PDE11A: variants seen among roughly 807,000 people sequenced by gnomAD.
PDE11A encodes dual 3',5'-cyclic-AMP and -GMP phosphodiesterase 11A.
A neutral mutation model predicts 100.5 loss-of-function variants in PDE11A; 100 were observed. The ratio of observed to expected loss-of-function variants is 1.00; its 90% CI spans 0.85 to 1.18. The LOEUF (loss-of-function observed/expected upper bound fraction) is 1.18. Ranked by LOEUF, PDE11A falls within the 50% of genes most tolerant of loss-of-function variation. The probability of loss-of-function intolerance (pLI) is 0.00; values close to 1 mark genes in which losing one functional copy is unlikely to be tolerated. For missense variants in PDE11A, 1,141 were observed against 1,152.6 expected (o/e 0.99, Z 0.15); for synonymous variants, 381 against 420.8 (o/e 0.91, Z 1.16).
chr2:178,001,329 A>G (rs1423715566), intron 2 of PDE11A, among the ~76,000 whole-genome samples: 1 of 140,338 alleles, frequency 7.1e-6, no homozygotes, highest in Non-Finnish European at 1.5e-5. Context: ...TTAATATGCC[A>G]TCAAGGAGCA....
intron 1 of PDE11A, among the ~76,000 whole-genome samples, chr2:178,055,727 C>A (rs950799572): frequency 1.3e-5 from 2 of 152,016 alleles, no homozygotes; most frequent in African/African-American, 4.8e-5. Context: ...TCAAAGATGA[C>A]AGCCCTACAG....
intron 5 of PDE11A, among the ~76,000 whole-genome samples, chr2:177,857,081 TA>T (rs1345897075): frequency 3.9e-5 from 6 of 151,938 alleles, no homozygotes; most frequent in Admixed American, 3.3e-4. Flanking sequence ...TATATAAAAG[TA>T]ACCCTCAATA....
chr2:177,903,306 C>T (rs2084728160), intron 3 of PDE11A, among the ~76,000 whole-genome samples: 1 of 152,120 alleles, frequency 6.6e-6, no homozygotes, highest in Admixed American at 6.6e-5. Flanking sequence ...TGATAACCCT[C>T]TAAAATAAAC....
At chr2:177,688,913 T>C (rs916491161) in intron 15 of PDE11A, among the ~76,000 whole-genome samples, 7 of 152,240 alleles carry the variant, frequency 4.6e-5, no homozygotes, top group African/African-American at 1.7e-4. Context: ...TCTGTGAACA[T>C]TTTAATCATG....
chr2:178,096,257 G>C (rs2087489049), intron 2 of PDE11A, among the ~76,000 whole-genome samples: 1 of 149,162 alleles, frequency 6.7e-6, no homozygotes, highest in Admixed American at 6.7e-5. Context: ...CCCGCCTCCT[G>C]GGTTCACGCC....
intron 2 of PDE11A, among the ~76,000 whole-genome samples, chr2:177,936,831 G>T (rs1391579643): frequency 6.6e-6 from 1 of 151,992 alleles, no homozygotes; most frequent in East Asian, 1.9e-4. Context: ...TGAGGCAGGA[G>T]AATCGCTTGA....
rs1180761710 is a variant in PDE11A, at chr2:177,788,772, T to A, written c.1738-19399A>T. ...AATACTACAAACAACTCTACTCAAA[T>A]AAACTAGAAAATCTAGGAGAAATGG... On this transcript the variant is annotated intron_variant, in intron 9 of 19. Coordinates refer to ENST00000286063, the MANE Select transcript of PDE11A (RefSeq NM_016953.4). Among the ~76,000 whole-genome samples the A allele has an allele frequency of 2.0e-5, 3 of 152,308 alleles. No individual in the cohort carries two copies. The East Asian group carries it at 5.8e-4, about 29-fold the overall frequency.
intron 19 of PDE11A, among the ~76,000 whole-genome samples, chr2:177,648,547 G>T (rs2080258101): frequency 6.6e-6 from 1 of 152,028 alleles, no homozygotes; most frequent in Non-Finnish European, 1.5e-5. Flanking sequence ...AGACAAACCA[G>T]ATTTCCTTTT....
chr2:177,851,809 C>A (rs548461405), intron 5 of PDE11A, among the ~76,000 whole-genome samples: 1 of 152,080 alleles, frequency 6.6e-6, no homozygotes, highest in Admixed American at 6.5e-5. Context: ...GGTAAACATG[C>A]GTCATGGGGG....
intron 2 of PDE11A, among the ~76,000 whole-genome samples, chr2:177,986,159 A>G (rs1185697059): frequency 6.6e-6 from 1 of 152,208 alleles, no homozygotes; most frequent in Non-Finnish European, 1.5e-5. Flanking sequence ...ACACACAGGT[A>G]AAACACACCT....
chr2:177,708,825 A>C (rs951845274), intron 13 of PDE11A, among the ~76,000 whole-genome samples: 13 of 152,232 alleles, frequency 8.5e-5, no homozygotes, highest in African/African-American at 3.1e-4. Flanking sequence ...GTACATGCCA[A>C]ATAAGAAGGG....
intron 12 of PDE11A, among the ~76,000 whole-genome samples, chr2:177,713,987 CTTTTTTTTTTTTTTT>C (rs57211363): frequency 7.1e-4 from 55 of 77,404 alleles, no homozygotes; most frequent in African/African-American, 2.6e-3. Context: ...TTTCTTTTTT[CTTTTTTTTTTTTTTT>C]TTTTTTTTTG....
At chr2:177,770,585 T>C (rs60871943) in intron 9 of PDE11A, among the ~76,000 whole-genome samples, 1 of 152,140 alleles carries the variant, frequency 6.6e-6, no homozygotes, top group Non-Finnish European at 1.5e-5. Context: ...CTGTAAAGCC[T>C]GGAGGTGCAG....
At chr2:177,882,782 T>C (rs940200647) in intron 4 of PDE11A, among the ~76,000 whole-genome samples, 4 of 152,174 alleles carry the variant, frequency 2.6e-5, no homozygotes, top group African/African-American at 7.2e-5. Context: ...GATTTGGATA[T>C]TTATCAAGTG....
chr2:177,855,670 C>T (rs2083819813), intron 5 of PDE11A, among the ~76,000 whole-genome samples: 2 of 152,006 alleles, frequency 1.3e-5, no homozygotes, highest in Admixed American at 6.6e-5. Context: ...CAGAACTTGT[C>T]TTTATTTGAC....
chr2:177,962,461 ATATAT>A (rs577844057), intron 2 of PDE11A, among the ~76,000 whole-genome samples: 29 of 152,230 alleles, frequency 1.9e-4, no homozygotes, highest in East Asian at 1.5e-3. Context: ...TGGATATAAA[ATATAT>A]TATAAATAAA....
intron 2 of PDE11A, among the ~76,000 whole-genome samples, chr2:178,013,466 C>T (rs1409763348): frequency 6.6e-6 from 1 of 152,194 alleles, no homozygotes; most frequent in Non-Finnish European, 1.5e-5. Context: ...TGTTGACCTT[C>T]TGTGCCAGAA....
intron 9 of PDE11A, among the ~76,000 whole-genome samples, chr2:177,776,389 A>G (rs911758261): frequency 5.9e-5 from 9 of 152,236 alleles, no homozygotes; most frequent in African/African-American, 2.2e-4. Context: ...GCTAAGCTAC[A>G]TGCCAAAATA....
chr2:177,724,757 T>A (rs1338983948), intron 12 of PDE11A, among the ~76,000 whole-genome samples: 1 of 152,072 alleles, frequency 6.6e-6, no homozygotes, highest in Non-Finnish European at 1.5e-5. Flanking sequence ...TGTACCTCAG[T>A]ATTCCCTGTG....
Sources: gnomAD v4.1 joint callset for allele counts (sites outside exome capture counted in the v4.1 genomes callset) on GRCh38, gnomAD v4.1.1 for gene constraint, MANE v1.5 for transcripts, NCBI Gene and HGNC (gene_info 2026-07-23, HGNC 2026-07-21) for gene names.